The following DPYD variants were observed in gnomAD, a reference collection of about 807,000 sequenced individuals.
DPYD encodes dihydropyrimidine dehydrogenase, also known as dihydropyrimidine dehydrogenase [NADP(+)].
A neutral mutation model predicts 116.2 loss-of-function variants in DPYD; 109 were observed. That is an observed-to-expected ratio of 0.94 (90% CI 0.80 to 1.10). The LOEUF is 1.10. Ranked by LOEUF, DPYD falls within the 50% of genes least tolerant of loss-of-function variation. DPYD has a pLI of 0.00. For missense variants in DPYD, 1,302 were observed against 1,254.5 expected, an observed-to-expected ratio of 1.04 and a Z score of -0.57; for synonymous variants, 440 against 432.0, an observed-to-expected ratio of 1.02 and a Z score of -0.23.
At chr1:97,268,801 T>A (rs1431417325) in intron 18 of DPYD, among the ~76,000 whole-genome samples, 1 of 152,182 alleles carries the variant, frequency 6.6e-6, no homozygotes, top group East Asian at 1.9e-4. Flanking sequence ...GCCTCCATGG[T>A]CATTCTCCCA....
intron 14 of DPYD, among the ~76,000 whole-genome samples, chr1:97,428,716 CA>C (rs1337046469): frequency 1.3e-5 from 2 of 151,160 alleles, no homozygotes; most frequent in Non-Finnish European, 2.9e-5. Flanking sequence ...CTTACAGACA[CA>C]AGTGATTCAG....
chr1:97,767,264 G>C (rs1665911555), intron 3 of DPYD, among the ~76,000 whole-genome samples: 3 of 152,142 alleles, frequency 2.0e-5, no homozygotes, highest in Non-Finnish European at 4.4e-5. Flanking sequence ...GTATAACTGA[G>C]ACCAGGGATG....
At chr1:97,295,189 C>G (rs1266870991) in intron 18 of DPYD, among the ~76,000 whole-genome samples, 1 of 152,040 alleles carries the variant, frequency 6.6e-6, no homozygotes, top group African/African-American at 2.4e-5. Flanking sequence ...ATGGTATCCA[C>G]CTCCCAGGGT....
rs113285606 is a variant in DPYD at position 97,602,849 on chromosome 1, G to T, written c.851-7683C>A. Among the ~76,000 whole-genome samples the T allele has an allele frequency of 2.7e-3, 409 of 151,896 alleles. 4 individuals carry two copies. Among genetic ancestry groups the T allele is most frequent in the African/African-American group, 9.2e-3 (383 of 41,484 alleles). Reference sequence around the variant, plus strand: ...TAATATTGCAATTTGCTTATAATTAGTAGAAGTTATTGCAATAATTGAAAT... The same window carrying T: ...TAATATTGCAATTTGCTTATAATTATTAGAAGTTATTGCAATAATTGAAAT... On this transcript the variant is annotated intron_variant, in intron 8 of 22. Coordinates refer to ENST00000370192, the MANE Select transcript of DPYD (RefSeq NM_000110.4).
At chr1:97,614,696 T>C (rs1475424319) in intron 8 of DPYD, among the ~76,000 whole-genome samples, 3 of 152,062 alleles carry the variant, frequency 2.0e-5, no homozygotes, top group Non-Finnish European at 4.4e-5. Flanking sequence ...TGCACACTTT[T>C]CAATATGTAT....
intron 1 of DPYD, among the ~76,000 whole-genome samples, chr1:97,902,665 A>G (rs1236658797): frequency 8.6e-5 from 13 of 151,842 alleles, no homozygotes; most frequent in Admixed American, 3.3e-4. Context: ...CTGAAAATAA[A>G]TTAAAAGCAG....
chr1:97,778,950 G>T (rs1460055303), intron 3 of DPYD, among the ~76,000 whole-genome samples: 2 of 151,974 alleles, frequency 1.3e-5, no homozygotes, highest in South Asian at 2.1e-4. Flanking sequence ...GCCACCTTAT[G>T]ACAATTCTTT....
chr1:97,661,612 A>T (rs879429577), intron 8 of DPYD, among the ~76,000 whole-genome samples: 1 of 152,186 alleles, frequency 6.6e-6, no homozygotes, highest in Admixed American at 6.5e-5. Flanking sequence ...ACAAAGCTCT[A>T]TGGAAGAAGC....
intron 3 of DPYD, among the ~76,000 whole-genome samples, chr1:97,760,969 C>T (rs1036345045): frequency 4.6e-5 from 7 of 151,980 alleles, no homozygotes; most frequent in Non-Finnish European, 1.0e-4. Flanking sequence ...AATATAAAAC[C>T]GTATGCCAAA....
At chr1:97,496,246 A>G (rs753260904) in intron 13 of DPYD, among the ~76,000 whole-genome samples, 3 of 152,014 alleles carry the variant, frequency 2.0e-5, no homozygotes, top group Non-Finnish European at 2.9e-5. Flanking sequence ...CCTTGAGCCA[A>G]TATCTTTTCT....
intron 11 of DPYD, among the ~76,000 whole-genome samples, chr1:97,569,510 C>A (rs1333046314): frequency 6.7e-6 from 1 of 150,076 alleles, no homozygotes; most frequent in Non-Finnish European, 1.5e-5. Context: ...TTAGAACTTT[C>A]CAGTGAATGG....
intron 20 of DPYD, among the ~76,000 whole-genome samples, chr1:97,160,313 G>A (rs1227530855): frequency 7.1e-6 from 1 of 140,316 alleles, no homozygotes; most frequent in Admixed American, 7.6e-5. Context: ...AGAATGGGAA[G>A]CTACACTTGA....
intron 16 of DPYD, among the ~76,000 whole-genome samples, chr1:97,339,493 C>T (rs913904508): frequency 3.9e-5 from 6 of 152,100 alleles, no homozygotes; most frequent in African/African-American, 7.2e-5. Flanking sequence ...AAATGACTGT[C>T]GCCCAAGAAT....
At chr1:97,860,723 T>C (rs1310160275) in intron 2 of DPYD, among the ~76,000 whole-genome samples, 4 of 151,962 alleles carry the variant, frequency 2.6e-5, no homozygotes, top group Non-Finnish European at 5.9e-5. Flanking sequence ...TGGCTAAAAC[T>C]ATTTCTAACC....
At chr1:97,272,399 G>A (rs143320726) in intron 18 of DPYD, among the ~76,000 whole-genome samples, 35 of 152,112 alleles carry the variant, frequency 2.3e-4, no homozygotes, top group Non-Finnish European at 3.8e-4. Context: ...GTTCATTTCC[G>A]TCTGAATTGT....
chr1:97,754,529 A>G (rs958339672), intron 3 of DPYD, among the ~76,000 whole-genome samples: 1 of 152,206 alleles, frequency 6.6e-6, no homozygotes, highest in Non-Finnish European at 1.5e-5. Context: ...GAGTCAAGGT[A>G]ATAGTACTTA....
chr1:97,889,090 G>C (rs1672648031), intron 1 of DPYD, among the ~76,000 whole-genome samples: 1 of 152,068 alleles, frequency 6.6e-6, no homozygotes, highest in African/African-American at 2.4e-5. Flanking sequence ...TCCAGAGGTG[G>C]AGGTTACAAT....
intron 2 of DPYD, among the ~76,000 whole-genome samples, chr1:97,874,548 T>C (rs1055346718): frequency 3.3e-5 from 5 of 151,788 alleles, no homozygotes; most frequent in African/African-American, 1.2e-4. Flanking sequence ...GAAAATAATA[T>C]ATTTGAGAAT....
At chr1:97,415,337 A>ATAT (rs971859482) in intron 14 of DPYD, among the ~76,000 whole-genome samples, 1 of 152,078 alleles carries the variant, frequency 6.6e-6, no homozygotes, top group Non-Finnish European at 1.5e-5. Flanking sequence ...ATCTACAATT[A>ATAT]TATTATTATT....
Sources: gnomAD v4.1 joint callset for allele counts (sites outside exome capture counted in the v4.1 genomes callset) on GRCh38, gnomAD v4.1.1 for gene constraint, MANE v1.5 for transcripts, NCBI Gene and HGNC (gene_info 2026-07-23, HGNC 2026-07-21) for gene names.